DDX24: variants seen among roughly 807,000 people sequenced by gnomAD.
DDX24 encodes ATP-dependent RNA helicase DDX24.
Under a neutral mutation model 68.9 loss-of-function variants are expected in DDX24, and 24 were observed. That is an observed-to-expected ratio of 0.35 (90% CI 0.25 to 0.49). The LOEUF (loss-of-function observed/expected upper bound fraction) is 0.49, where lower values mean the gene tolerates loss of function less well. Ranked by LOEUF, DDX24 falls within the 20% of genes least tolerant of loss-of-function variation. DDX24 has a pLI of 0.99. For synonymous variants in DDX24, 395 were observed against 385.2 expected, an observed-to-expected ratio of 1.03 and a Z score of -0.30; for missense variants, 989 against 1,039.0, an observed-to-expected ratio of 0.95 and a Z score of 0.66.
Position 94,055,100 on chromosome 14 carries a change from C to G in DDX24, c.2074G>C (p.Gly692Arg), listed in dbSNP as rs1361227410. 1 of 1,614,196 alleles carries G rather than the reference C, an allele frequency of 6.2e-7. No homozygotes were observed. Among genetic ancestry groups the G allele is most frequent in the Non-Finnish European group, 8.5e-7 (1 of 1,180,026 alleles). Residue 692 changes from glycine (G) to arginine (R), a missense_variant, in exon 7 of 9, where the codon GGG (glycine) becomes CGG (arginine). This residue lies in a region of DDX24 where 691 missense variants were observed against 760.0 expected (regional missense o/e 0.91). Coordinates refer to ENST00000621632, the MANE Select transcript of DDX24 (RefSeq NM_020414.4). ...TNEGLSLMLI[G>R]PEDVINFKKI... ...TTAAAGTTGATCACATCCTCAGGCC[C>G]AATGAGCATCAGACTGAGGCCTTCA...
At position 94,049,655 on chromosome 14, in the gene DDX24, G is replaced by A. The variant is rs897575027; in HGVS notation, c.*1536C>T. ...CACCTGTAATCTCAGTACTTTGGGA[G>A]GCTGAGGCAAGAGGATCACTTGAGG... On this transcript the variant is annotated 3_prime_UTR_variant, in exon 9 of 9. Coordinates refer to ENST00000621632, the MANE Select transcript of DDX24 (RefSeq NM_020414.4). 6.6e-6 allele frequency: 1 copy of A among 152,124 alleles called. No homozygotes were observed. The highest frequency in any genetic ancestry group is 1.5e-5 in the Non-Finnish European group (1 of 68,064). 9.4% of individuals were successfully genotyped at this position (152,124 alleles called of 1,614,324 possible).
Position 94,061,044 on chromosome 14 carries a change from A to G in DDX24, c.1266T>C (p.Val422=). ...RFTGIKTAIL[V]GGMSTQKQQR... is the part of the protein sequence containing the mutation. Reference sequence around the variant, plus strand: ...GCTGTTTCTGCGTGGACATTCCACCAACCAAAATAGCAGTTTTAATTCCTA... The same window carrying G: ...GCTGTTTCTGCGTGGACATTCCACCGACCAAAATAGCAGTTTTAATTCCTA... Residue 422 remains valine, a synonymous_variant, in exon 4 of 9, where the codon GTT becomes GTC. Transcript: ENST00000621632. 1 of 1,614,224 alleles carries G rather than the reference A, an allele frequency of 6.2e-7. No homozygotes were observed. The highest frequency in any genetic ancestry group is 8.5e-7 in the Non-Finnish European group (1 of 1,180,042).
chr14:94,053,030 A>C lies in DDX24; in HGVS notation c.2276T>G (p.Leu759Arg). 6.2e-7 allele frequency: 1 copy of C among 1,614,116 alleles called. No individual in the cohort carries two copies. Among genetic ancestry groups the C allele is most frequent in the Non-Finnish European group, 8.5e-7 (1 of 1,179,986 alleles). The change falls in exon 8 of 9, where the codon CTG (leucine) becomes CGG (arginine). Residue 759 changes from leucine (L) to arginine (R), a missense_variant. By Grantham distance (102) the Leu-to-Arg change is moderately radical (BLOSUM62 -2). This residue lies in a region of DDX24 where 691 missense variants were observed against 760.0 expected (regional missense o/e 0.91). Transcript: ENST00000621632. ...NSWIEQAAAA[L>R]EIELEEDMYK... Reference sequence around the variant, plus strand: ...CATGTCTTCTTCCAGCTCAATCTCCAGGGCAGCTGCTGCCTGCTCAATCCA... The same window carrying C: ...CATGTCTTCTTCCAGCTCAATCTCCCGGGCAGCTGCTGCCTGCTCAATCCA...
At chr14:94,063,898 G>A (rs1245974837) in intron 2 of DDX24, among the ~76,000 whole-genome samples, 1 of 152,138 alleles carries the variant, frequency 6.6e-6, no homozygotes, top group Middle Eastern at 3.2e-3. Flanking sequence ...GGGAGATACT[G>A]TCTCTAAAAA....
At chr14:94,074,677 T>C (rs1366240674) in intron 2 of DDX24, among the ~76,000 whole-genome samples, 1 of 152,186 alleles carries the variant, frequency 6.6e-6, no homozygotes, top group Non-Finnish European at 1.5e-5. Context: ...ATGCCCACTT[T>C]ACCACTACAA....
chr14:94,079,667 C>A lies in DDX24; in HGVS notation c.76G>T (p.Val26Leu). 6.2e-7 allele frequency: 1 copy of A among 1,614,192 alleles called. No homozygotes were observed. Among genetic ancestry groups the A allele is most frequent in the East Asian group, 2.2e-5 (1 of 44,880 alleles). The change falls in exon 2 of 9, where the codon GTG becomes TTG. Residue 26 changes from valine (V) to leucine (L), a missense_variant. This residue lies in a region of DDX24 where 295 missense variants were observed against 263.0 expected (regional missense o/e 1.12). Transcript: ENST00000621632. ...ATCTTCACTTCCTTCCATTTTCCCA[C>A]AACTTTGATTCCCTTTGTCTGAAAT... ...GKFQTKGIKV[V>L]GKWKEVKIDP...
In DDX24 at chr14:94,062,399, G is replaced by A. The variant is rs953527153; in HGVS notation, c.941C>T (p.Ala314Val). The change falls in exon 3 of 9, where the codon GCA becomes GTA. Residue 314 changes from alanine (A) to valine (V), a missense_variant. Around this residue, in one of 3 missense-constraint regions of DDX24, gnomAD observed 691 missense variants for 760.0 expected, o/e 0.91. Coordinates refer to ENST00000621632, the MANE Select transcript of DDX24 (RefSeq NM_020414.4). ...IESEALPSDI[A>V]AEARAKTGGT... is the part of the protein sequence containing the mutation. The stretch of plus-strand genomic sequence containing the variant: ...TCCAGTCTTGGCTCTGGCCTCGGCT[G>A]CAATATCACTGGGCAGTGCTTCACT... 5.6e-6 allele frequency: 9 copies of A among 1,614,082 alleles called. No homozygotes were observed. In the Admixed American group the frequency reaches 8.3e-5, roughly 15 times the overall value.
At position 94,051,011 on chromosome 14, in the gene DDX24, G is replaced by C; in HGVS notation, c.*180C>G. ...TACAGAAAAATTAAGCTGCTGCATT[G>C]AATTCTTACTCCAAAACAATGCAAA... On this transcript the variant is annotated 3_prime_UTR_variant, in exon 9 of 9. Coordinates refer to ENST00000621632, the MANE Select transcript of DDX24 (RefSeq NM_020414.4). The C allele has an allele frequency of 1.7e-6, 1 of 578,494 alleles. No homozygotes were observed. Among genetic ancestry groups the C allele is most frequent in the South Asian group, 4.8e-5 (1 of 20,632 alleles). The allele number at this position is 578,494 out of a possible 1,614,324, so 35.8% of individuals were successfully genotyped here.
chr14:94,071,247 T>C (rs982792955), intron 2 of DDX24, among the ~76,000 whole-genome samples: 9 of 151,814 alleles, frequency 5.9e-5, no homozygotes, highest in African/African-American at 2.2e-4. Context: ...CCAACAAACA[T>C]GAAAAAATGC....
intron 3 of DDX24, among the ~76,000 whole-genome samples, chr14:94,061,551 C>A (rs1481448444): frequency 6.6e-6 from 1 of 152,164 alleles, no homozygotes; most frequent in Non-Finnish European, 1.5e-5. Context: ...GCAATAGTAA[C>A]AACTTGGTAA....
rs768101124 is a variant in DDX24 at position 94,060,156 on chromosome 14, C to T, written c.1855G>A (p.Ala619Thr). The T allele has an allele frequency of 1.2e-6, 2 of 1,614,184 alleles. No individual in the cohort carries two copies. Among genetic ancestry groups the T allele is most frequent in the South Asian group, 1.1e-5 (1 of 91,082 alleles). ...VLDIMPLTLH[A>T]CMHQKQRLRN... ...AGCCTCTGCTTCTGGTGCATACAGGCATGCAGGGTCAAGGGCATGATATCA... is the reference window on the plus strand; with the variant it reads ...AGCCTCTGCTTCTGGTGCATACAGGTATGCAGGGTCAAGGGCATGATATCA... The change falls in exon 5 of 9, where the codon GCC becomes ACC. Residue 619 changes from alanine (A) to threonine (T), a missense_variant. Coordinates refer to ENST00000621632, the MANE Select transcript of DDX24 (RefSeq NM_020414.4).
Position 94,062,292 on chromosome 14 carries a change from C to A in DDX24, c.1048G>T (p.Val350Phe), listed in dbSNP as rs1048712718. The A allele has an allele frequency of 3.1e-6, 5 of 1,614,112 alleles. No individual in the cohort carries two copies. Among genetic ancestry groups the A allele is most frequent in the Non-Finnish European group, 4.2e-6 (5 of 1,180,044 alleles). Residue 350 changes from valine (V) to phenylalanine (F), a missense_variant, in exon 3 of 9, where the codon GTT (valine) becomes TTT (phenylalanine). Transcript: ENST00000621632. ...GPSSLIREKPVPKQNENEEEN... is the reference protein window; with the variant it reads ...GPSSLIREKPFPKQNENEEEN... ...TCCTCATTCTCATTCTGTTTGGGAACAGGTTTCTCCCTGATCAGGGAAGAA... is the reference window on the plus strand; with the variant it reads ...TCCTCATTCTCATTCTGTTTGGGAAAAGGTTTCTCCCTGATCAGGGAAGAA...
intron 2 of DDX24, among the ~76,000 whole-genome samples, chr14:94,077,239 T>C (rs1885962703): frequency 6.6e-6 from 1 of 152,022 alleles, no homozygotes. Flanking sequence ...ACATTAAGGG[T>C]CTATTTATTA....
chr14:94,057,495 C>A, intron 6 of DDX24: 1 of 259,314 alleles, frequency 3.9e-6, no homozygotes, highest in Non-Finnish European at 7.2e-6. Context: ...TCTAAACTAC[C>A]ACACTCTTCT....
chr14:94,065,807 G>A (rs1885693026), intron 2 of DDX24, among the ~76,000 whole-genome samples: 1 of 152,184 alleles, frequency 6.6e-6, no homozygotes, highest in African/African-American at 2.4e-5. Context: ...AGAGAGCTGA[G>A]CGAAATACAG....
At chr14:94,055,264 C>G in intron 6 of DDX24, 80 bp from the exon 7 acceptor site, 2 of 1,454,986 alleles carry the variant, frequency 1.4e-6, no homozygotes, top group South Asian at 2.6e-5. Context: ...ATCCCCAAAC[C>G]AGACCCTCCT....
intron 2 of DDX24, among the ~76,000 whole-genome samples, chr14:94,067,770 C>A (rs2141430773): frequency 6.6e-6 from 1 of 152,050 alleles, no homozygotes; most frequent in Non-Finnish European, 1.5e-5. Context: ...CAATTGTTTT[C>A]AGATAAACAA....
At chr14:94,077,644 A>C (rs1885971386) in intron 2 of DDX24, among the ~76,000 whole-genome samples, 2 of 152,316 alleles carry the variant, frequency 1.3e-5, no homozygotes, top group South Asian at 4.1e-4. Flanking sequence ...AACACAGTGC[A>C]TGACACATCT....
Position 94,079,056 on chromosome 14 carries a change from G to T in DDX24, c.687C>A (p.Asp229Glu), listed in dbSNP as rs776417461. ...QALTLAPAIR[D>E]KLDILGAAET... Reference sequence around the variant, plus strand: ...CAGCAGCCCCAAGGATGTCCAGTTTGTCACGGATGGCAGGTGCCAAGGTCA... The same window carrying T: ...CAGCAGCCCCAAGGATGTCCAGTTTTTCACGGATGGCAGGTGCCAAGGTCA... The change falls in exon 2 of 9, where the codon GAC (aspartate) becomes GAA (glutamate). Residue 229 changes from aspartate (D) to glutamate (E), a missense_variant. Around this residue, in one of 3 missense-constraint regions of DDX24, gnomAD observed 295 missense variants for 263.0 expected, o/e 1.12. Transcript: ENST00000621632. 30 of 1,613,976 alleles carry T rather than the reference G, an allele frequency of 1.9e-5. No individual in the cohort carries two copies.
Sources: gnomAD v4.1 joint callset for allele counts (sites outside exome capture counted in the v4.1 genomes callset) on GRCh38, gnomAD v4.1.1 for gene constraint, gnomAD v4.1.1 regional missense constraint, MANE v1.5 for transcripts, NCBI Gene and HGNC (gene_info 2026-07-23, HGNC 2026-07-21) for gene names.